XKR6: variants seen among roughly 807,000 people sequenced by gnomAD.
XKR6 encodes XK-related protein 6.
Under a neutral mutation model 56.7 loss-of-function variants are expected in XKR6, and 22 were observed. The observed-to-expected ratio is 0.39, with a 90% CI of 0.28 to 0.55. The LOEUF is 0.55. Among genes scored for constraint, XKR6 ranks in the 20% least tolerant of loss-of-function variants. XKR6 has a pLI of 0.66. For missense variants in XKR6, 852 were observed against 889.0 expected, an observed-to-expected ratio of 0.96 and a Z score of 0.53; for synonymous variants, 524 against 387.8, an observed-to-expected ratio of 1.35 and a Z score of -4.13.
chr8:11,168,246 CAA>C (rs886578858), intron 1 of XKR6, among the ~76,000 whole-genome samples: 5 of 152,168 alleles, frequency 3.3e-5, no homozygotes, highest in Admixed American at 2.0e-4. Context: ...ACTTACTACA[CAA>C]AGACTTTACA....
chr8:11,080,620 T>A (rs562518876), intron 1 of XKR6, among the ~76,000 whole-genome samples: 41 of 152,356 alleles, frequency 2.7e-4, no homozygotes, highest in African/African-American at 9.9e-4. Context: ...AAAGCCACCT[T>A]CACAGCCTAC....
chr8:10,942,391 C>T (rs988921762), intron 1 of XKR6, among the ~76,000 whole-genome samples: 11 of 152,338 alleles, frequency 7.2e-5, no homozygotes, highest in Admixed American at 5.2e-4. Flanking sequence ...ACATCCGCCA[C>T]GGCCCTGAGT....
intron 1 of XKR6, among the ~76,000 whole-genome samples, chr8:10,947,847 T>C (rs1468563104): frequency 6.6e-6 from 1 of 152,202 alleles, no homozygotes; most frequent in Non-Finnish European, 1.5e-5. Flanking sequence ...GCTTTGGGGA[T>C]GTGATCACAC....
At chr8:11,010,887 G>C (rs1239544888) in intron 1 of XKR6, among the ~76,000 whole-genome samples, 1 of 152,058 alleles carries the variant, frequency 6.6e-6, no homozygotes, top group Non-Finnish European at 1.5e-5. Flanking sequence ...CTGAAGACTG[G>C]CTTGAGTGAT....
intron 1 of XKR6, among the ~76,000 whole-genome samples, chr8:11,149,853 GA>G (rs1221272176): frequency 1.3e-5 from 2 of 152,162 alleles, no homozygotes; most frequent in African/African-American, 4.8e-5. Context: ...CAGACAAATG[GA>G]AAAAGAAAGT....
At chr8:11,107,194 ATTTT>A (rs562010935) in intron 1 of XKR6, among the ~76,000 whole-genome samples, 1 of 144,576 alleles carries the variant, frequency 6.9e-6, no homozygotes, top group African/African-American at 2.5e-5. Flanking sequence ...CAGGATTCCA[ATTTT>A]TTTTTTTTTT....
chr8:10,992,907 G>A (rs781396399), intron 1 of XKR6, among the ~76,000 whole-genome samples: 3 of 152,178 alleles, frequency 2.0e-5, no homozygotes, highest in Non-Finnish European at 2.9e-5. Flanking sequence ...CAACCACCAC[G>A]CCGAGCTGAG....
At chr8:11,074,064 G>A (rs929892326) in intron 1 of XKR6, among the ~76,000 whole-genome samples, 7 of 152,238 alleles carry the variant, frequency 4.6e-5, no homozygotes, top group African/African-American at 1.7e-4. Flanking sequence ...CTAGGAATTG[G>A]AGACTTTCAG....
chr8:10,954,088 A>G (rs1229079677), intron 1 of XKR6, among the ~76,000 whole-genome samples: 1 of 152,120 alleles, frequency 6.6e-6, no homozygotes, highest in Non-Finnish European at 1.5e-5. Flanking sequence ...AGTTGTTTCC[A>G]CTTTTTGGCT....
At chr8:10,965,438 C>A (rs998603709) in intron 1 of XKR6, among the ~76,000 whole-genome samples, 3 of 152,238 alleles carry the variant, frequency 2.0e-5, no homozygotes, top group Admixed American at 2.0e-4. Context: ...TGGTTTGCTG[C>A]TGACTGCTGC....
chr8:11,189,190 T>C (rs1418579013), intron 1 of XKR6, among the ~76,000 whole-genome samples: 2 of 152,212 alleles, frequency 1.3e-5, no homozygotes, highest in South Asian at 2.1e-4. Context: ...ACAACAAATA[T>C]AACATTTCTG....
chr8:10,965,216 C>T (rs1394163240), intron 1 of XKR6, among the ~76,000 whole-genome samples: 1 of 152,236 alleles, frequency 6.6e-6, no homozygotes, highest in Non-Finnish European at 1.5e-5. Context: ...TCTGAGAAAG[C>T]CCATTTCCTT....
At position 11,135,265 on chromosome 8, in the gene XKR6, G is replaced by A. The variant is rs576847678; in HGVS notation, c.764+65311C>T. On this transcript the variant is annotated intron_variant, in intron 1 of 2. Coordinates refer to ENST00000416569, the MANE Select transcript of XKR6 (RefSeq NM_173683.4). ...AGGATGGTCTTGATCTCCTGACCTC[G>A]TGATCCGCCAGTCTCAGCCTCCCAA... Among the ~76,000 whole-genome samples, 101 of 152,178 alleles carry A rather than the reference G, an allele frequency of 6.6e-4. 1 individual carries two copies. The South Asian group carries it at 0.018, about 28-fold the overall frequency.
intron 1 of XKR6, among the ~76,000 whole-genome samples, chr8:11,015,370 T>C (rs1487972715): frequency 6.6e-6 from 1 of 151,948 alleles, no homozygotes; most frequent in African/African-American, 2.4e-5. Flanking sequence ...ATTTTTGAGA[T>C]TATTTAGGAA....
At chr8:11,176,722 G>C (rs73665018) in intron 1 of XKR6, among the ~76,000 whole-genome samples, 8,807 of 151,898 alleles carry the variant, frequency 0.058, 814 homozygotes, top group African/African-American at 0.2. Context: ...TCAGCAGTTA[G>C]GGCATCTCCC....
chr8:11,063,008 T>C, intron 1 of XKR6: 1 of 359,614 alleles, frequency 2.8e-6, no homozygotes. Flanking sequence ...TCTTGAATCC[T>C]CACATGGAAT....
intron 1 of XKR6, among the ~76,000 whole-genome samples, chr8:10,963,521 G>C (rs1335698908): frequency 6.7e-6 from 1 of 149,610 alleles, no homozygotes; most frequent in East Asian, 1.9e-4. Context: ...GCCTCGAACA[G>C]GGCCTGACAC....
At chr8:11,096,364 G>C (rs7835318) in intron 1 of XKR6, among the ~76,000 whole-genome samples, 3 of 152,066 alleles carry the variant, frequency 2.0e-5, no homozygotes, top group Non-Finnish European at 2.9e-5. Flanking sequence ...AAATTTGGTG[G>C]AACATTCAAA....
At chr8:10,971,440 T>A (rs1413517621) in intron 1 of XKR6, among the ~76,000 whole-genome samples, 2 of 152,052 alleles carry the variant, frequency 1.3e-5, no homozygotes, top group African/African-American at 2.4e-5. Context: ...TTAATTAATT[T>A]AATTTAATTT....
Sources: gnomAD v4.1 joint callset for allele counts (sites outside exome capture counted in the v4.1 genomes callset) on GRCh38, gnomAD v4.1.1 for gene constraint, MANE v1.5 for transcripts, NCBI Gene and HGNC (gene_info 2026-07-23, HGNC 2026-07-21) for gene names.